SYT16: variants seen among roughly 807,000 people sequenced by gnomAD.
SYT16 encodes the protein synaptotagmin 16, also known as synaptotagmin-16.
In SYT16, 42 loss-of-function variants were observed where a neutral mutation model predicts 61.4. The observed-to-expected ratio is 0.68, with a 90% CI of 0.53 to 0.89. The LOEUF is 0.89. Among genes scored for constraint, SYT16 ranks in the 40% least tolerant of loss-of-function variants. The pLI, the probability that SYT16 is intolerant of heterozygous loss-of-function variation, is 0.00. For synonymous variants in SYT16, 314 were observed against 302.3 expected, an observed-to-expected ratio of 1.04 and a Z score of -0.40; for missense variants, 804 against 807.3, an observed-to-expected ratio of 1.00 and a Z score of 0.05.
chr14:61,878,464 A>G (rs1405028792), intron 1 of SYT16, among the ~76,000 whole-genome samples: 1 of 152,210 alleles, frequency 6.6e-6, no homozygotes, highest in Non-Finnish European at 1.5e-5. Flanking sequence ...ATGCAGGGAC[A>G]TGACTGAAGC....
chr14:61,847,351 C>T (rs1433800236), intron 1 of SYT16, among the ~76,000 whole-genome samples: 1 of 151,900 alleles, frequency 6.6e-6, no homozygotes, highest in African/African-American at 2.4e-5. Flanking sequence ...TTTTTTTCCC[C>T]AGCACTTTAA....
intron 7 of SYT16, among the ~76,000 whole-genome samples, chr14:62,090,873 A>T (rs1436081646): frequency 6.6e-6 from 1 of 152,198 alleles, no homozygotes; most frequent in Non-Finnish European, 1.5e-5. Context: ...GGCATGTCTT[A>T]CATGGTGGCA....
chr14:62,004,257 A>G (rs752736541), intron 3 of SYT16, among the ~76,000 whole-genome samples: 33 of 152,166 alleles, frequency 2.2e-4, no homozygotes, highest in Non-Finnish European at 2.2e-4. Flanking sequence ...AGACAGAGAG[A>G]GAGAGCGCAC....
intron 1 of SYT16, among the ~76,000 whole-genome samples, chr14:61,874,340 G>A (rs936028551): frequency 5.3e-5 from 8 of 152,142 alleles, no homozygotes; most frequent in South Asian, 2.1e-4. Flanking sequence ...CAGCATTTGC[G>A]GGATGTGAAT....
chr14:61,997,008 G>C (rs1595113047), intron 3 of SYT16, among the ~76,000 whole-genome samples: 1 of 152,092 alleles, frequency 6.6e-6, no homozygotes, highest in South Asian at 2.1e-4. Flanking sequence ...CGTGATGTGA[G>C]ATGACAGTGG....
chr14:62,075,719 A>G (rs1285882275), intron 5 of SYT16, among the ~76,000 whole-genome samples: 1 of 152,096 alleles, frequency 6.6e-6, no homozygotes, highest in Non-Finnish European at 1.5e-5. Flanking sequence ...ATTTTAAATA[A>G]TGGAATTTTC....
intron 1 of SYT16, among the ~76,000 whole-genome samples, chr14:61,870,190 G>T (rs1196038455): frequency 1.3e-5 from 2 of 152,040 alleles, no homozygotes; most frequent in African/African-American, 2.4e-5. Flanking sequence ...GATTTTGCAT[G>T]TCTGAAAAAG....
chr14:62,094,309 T>C (rs892507736), intron 7 of SYT16, among the ~76,000 whole-genome samples: 1 of 152,164 alleles, frequency 6.6e-6, no homozygotes, highest in Non-Finnish European at 1.5e-5. Context: ...CAGCCAGGGC[T>C]GAATTTCTGT....
chr14:62,066,673 A>G (rs1413674578), intron 3 of SYT16, among the ~76,000 whole-genome samples: 2 of 152,220 alleles, frequency 1.3e-5, no homozygotes, highest in African/African-American at 4.8e-5. Context: ...CTCTGGAATC[A>G]CTATTTGACT....
rs2057621977 is a variant in SYT16, at chr14:62,112,259, G to A, written c.*11552G>A. On this transcript the variant is annotated 3_prime_UTR_variant, in exon 8 of 8. Transcript: ENST00000683842. ...AATTCATGATTAGAAGAATTATACT[G>A]TTTTTCTTGTGCAAATAATACTTAA... The A allele has an allele frequency of 6.6e-6, 1 of 152,074 alleles. No individual in the cohort carries two copies. The highest frequency in any genetic ancestry group is 1.5e-5 in the Non-Finnish European group (1 of 67,970). 9.4% of individuals were successfully genotyped at this position (152,074 alleles called of 1,614,324 possible). A position where few individuals can be genotyped will look rare whatever the true frequency, so the allele number is the denominator to read the frequency against.
At chr14:61,991,103 C>T (rs1256180361) in intron 2 of SYT16, among the ~76,000 whole-genome samples, 1 of 152,012 alleles carries the variant, frequency 6.6e-6, no homozygotes, top group Non-Finnish European at 1.5e-5. Flanking sequence ...TACTTCAATA[C>T]TTTGTAAATC....
chr14:61,981,212 T>C (rs1460513585), intron 2 of SYT16, among the ~76,000 whole-genome samples: 1 of 152,178 alleles, frequency 6.6e-6, no homozygotes, highest in Non-Finnish European at 1.5e-5. Context: ...GGCAATCTGC[T>C]TTGCATAGAG....
At chr14:61,953,358 G>A (rs1370312983) in intron 1 of SYT16, among the ~76,000 whole-genome samples, 1 of 152,136 alleles carries the variant, frequency 6.6e-6, no homozygotes, top group Non-Finnish European at 1.5e-5. Context: ...GTCAAAGCAA[G>A]AGAAATGGTC....
chr14:61,878,065 C>G (rs1034180035), intron 1 of SYT16, among the ~76,000 whole-genome samples: 3 of 152,120 alleles, frequency 2.0e-5, no homozygotes, highest in African/African-American at 7.2e-5. Flanking sequence ...TTTCTACTCA[C>G]CGTTCTCCAG....
chr14:62,060,702 A>T (rs992537578), intron 3 of SYT16, among the ~76,000 whole-genome samples: 4 of 151,944 alleles, frequency 2.6e-5, no homozygotes, highest in Non-Finnish European at 4.4e-5. Context: ...CTTTAAATAC[A>T]TTATTGGATT....
At chr14:61,837,761 T>G (rs2046177884) in intron 1 of SYT16, among the ~76,000 whole-genome samples, 2 of 152,226 alleles carry the variant, frequency 1.3e-5, no homozygotes, top group Non-Finnish European at 2.9e-5. Context: ...GATGCTATGC[T>G]TCTGGCGTGC....
chr14:61,849,419 G>A (rs1005026744), intron 1 of SYT16, among the ~76,000 whole-genome samples: 1 of 152,168 alleles, frequency 6.6e-6, no homozygotes, highest in Non-Finnish European at 1.5e-5. Flanking sequence ...TTGTGGCATA[G>A]ATTGCCTTTC....
At chr14:61,925,987 T>G (rs2049520708) in intron 1 of SYT16, among the ~76,000 whole-genome samples, 1 of 152,184 alleles carries the variant, frequency 6.6e-6, no homozygotes. Context: ...TCTTCTGCCT[T>G]AAACCTGGCT....
At chr14:61,896,831 C>T (rs976822692) in intron 1 of SYT16, among the ~76,000 whole-genome samples, 8 of 152,198 alleles carry the variant, frequency 5.3e-5, no homozygotes, top group African/African-American at 1.9e-4. Context: ...TATGTAAACT[C>T]TAGCCCCCTC....
Sources: allele counts gnomAD v4.1 joint callset (sites outside exome capture counted in the v4.1 genomes callset), GRCh38; gene constraint gnomAD v4.1.1; transcripts MANE v1.5; gene names NCBI Gene and HGNC (gene_info 2026-07-23, HGNC 2026-07-21).